The following TNKS1BP1 variants were observed in gnomAD, a reference collection of about 807,000 sequenced individuals.
The protein encoded by TNKS1BP1 is 182 kDa tankyrase-1-binding protein.
A neutral mutation model predicts 141.1 loss-of-function variants in TNKS1BP1; 48 were observed. The ratio of observed to expected loss-of-function variants is 0.34; its 90% CI spans 0.27 to 0.43. TNKS1BP1 has a LOEUF of 0.43. Among genes scored for constraint, TNKS1BP1 ranks in the 20% least tolerant of loss-of-function variants. TNKS1BP1 has a pLI of 1.00. For missense variants in TNKS1BP1, 2,149 were observed against 2,226.0 expected, an observed-to-expected ratio of 0.97 and a Z score of 0.70; for synonymous variants, 875 against 898.2, an observed-to-expected ratio of 0.97 and a Z score of 0.46.
chr11:57,320,540 G>T lies in TNKS1BP1; in HGVS notation c.267C>A (p.Pro89=), dbSNP rs1291339619. ...RKMNMLAGPQ[P]YGGSKRPLPF... ...GAAGGGGGCGCTTGCTGCCACCATA[G>T]GGCTGGGGTCCTGCCAGCATGTTCA... Residue 89 remains proline, a synonymous_variant, in exon 3 of 12, where the codon CCC becomes CCA. Transcript: ENST00000358252. 1 of 1,613,914 alleles carries T rather than the reference G, an allele frequency of 6.2e-7. No individual in the cohort carries two copies. The highest frequency in any genetic ancestry group is 8.5e-7 in the Non-Finnish European group (1 of 1,179,976).
chr11:57,302,663 T>C lies in TNKS1BP1; in HGVS notation c.4479A>G (p.Gln1493=). Residue 1493 remains glutamine (Q), a synonymous_variant, in exon 7 of 12, where the codon CAA becomes CAG. Transcript: ENST00000358252. This position sits in a 1 kb window ranked among gnomAD's most constrained non-coding sequence, Gnocchi z 5.5. ...EEEGAGAGAA[Q]EEVLEPGRDS... ...CCCTGCCAGGCTCCAGCACCTCCTCTTGGGCAGCACCTGCCCCGGCTCCTT... is the reference window on the plus strand; with the variant it reads ...CCCTGCCAGGCTCCAGCACCTCCTCCTGGGCAGCACCTGCCCCGGCTCCTT... 1.9e-6 allele frequency: 3 copies of C among 1,609,336 alleles called. No homozygotes were observed. In the African/African-American group the frequency reaches 4.0e-5, roughly 21 times the overall value.
chr11:57,313,552 C>T lies in TNKS1BP1; in HGVS notation c.1136G>A (p.Ser379Asn). ...TGAGGTGGCAGGGGGCTGATCCAGG[C>T]TATGGGGCTCCAAGACCTCAGGGGG... Reference protein sequence around the residue: ...SPPPEVLEPHSLDQPPATSPR... With the variant: ...SPPPEVLEPHNLDQPPATSPR... The change falls in exon 5 of 12, where the codon AGC (serine) becomes AAC (asparagine). Residue 379 changes from serine to asparagine, a missense_variant. Coordinates refer to ENST00000358252, the MANE Select transcript of TNKS1BP1 (RefSeq NM_033396.3). The T allele has an allele frequency of 6.3e-7, 1 of 1,580,508 alleles. No homozygotes were observed. The highest frequency in any genetic ancestry group is 8.6e-7 in the Non-Finnish European group (1 of 1,164,738).
In TNKS1BP1 at chr11:57,317,785, G is replaced by A. The variant is rs555742902; in HGVS notation, c.798+33C>T. The A allele has an allele frequency of 4.3e-5, 69 of 1,601,456 alleles. No homozygotes were observed. The South Asian group carries it at 5.6e-4, about 13-fold the overall frequency. ...TATGACCCTTCCAGCTCTAAAATAC[G>A]TGATTCTGATTCATAACTGGAGGAT... On this transcript the variant is annotated intron_variant, in intron 4 of 11. Coordinates refer to ENST00000358252, the MANE Select transcript of TNKS1BP1 (RefSeq NM_033396.3).
At position 57,312,627 on chromosome 11, in the gene TNKS1BP1, G is replaced by A. The variant is rs750769445; in HGVS notation, c.2061C>T (p.Asp687=). The A allele has an allele frequency of 2.5e-6, 4 of 1,575,340 alleles. No individual in the cohort carries two copies. The highest frequency in any genetic ancestry group is 3.4e-6 in the Non-Finnish European group (4 of 1,161,920). ...CACTGGGTGGTGGTGAAGCCAGGAG[G>A]TCGTCCAGCCAGCGGGAGCTGCTTT... ...GPESSSRWLD[D]LLASPPPSGG... Residue 687 remains aspartate (D), a synonymous_variant, in exon 5 of 12, where the codon GAC becomes GAT. Coordinates refer to ENST00000358252, the MANE Select transcript of TNKS1BP1 (RefSeq NM_033396.3).
intron 6 of TNKS1BP1, among the ~76,000 whole-genome samples, chr11:57,305,400 G>A (rs1855593949): frequency 6.6e-6 from 1 of 151,660 alleles, no homozygotes; most frequent in Non-Finnish European, 1.5e-5. Context: ...CAGAGAGGAT[G>A]TGCCTCATCT....
chr11:57,312,229 C>A (rs936244312), intron 5 of TNKS1BP1, among the ~76,000 whole-genome samples: 1 of 152,188 alleles, frequency 6.6e-6, no homozygotes, highest in East Asian at 1.9e-4. Context: ...GATTTACCCA[C>A]AATATAACTC....
In TNKS1BP1 at chr11:57,309,019, A is replaced by T. The variant is rs750144135; in HGVS notation, c.3692T>A (p.Val1231Asp). ...GVGEKDWTSDVNVKSKDLAEV... is the reference protein window; with the variant it reads ...GVGEKDWTSDDNVKSKDLAEV... ...AGCCAAATCTTTGCTCTTCACATTA[A>T]CATCAGAAGTCCAGTCCTTCTCCCC... Residue 1231 changes from valine to aspartate, a missense_variant, in exon 6 of 12, where the codon GTT (valine) becomes GAT (aspartate). Physicochemically the swap from Val to Asp is radical, Grantham distance 152. Transcript: ENST00000358252. The surrounding 1 kb of genome is among the most constrained non-coding windows in gnomAD (Gnocchi z 4.3). 3 of 1,613,880 alleles carry T rather than the reference A, an allele frequency of 1.9e-6. No individual in the cohort carries two copies. In the African/African-American group the frequency reaches 4.0e-5, roughly 22 times the overall value.
chr11:57,313,665 T>G lies in TNKS1BP1; in HGVS notation c.1023A>C (p.Ala341=). ...CPAVTPSAPS[A]ALPDEGSRHT... is the part of the protein sequence containing the mutation. ...GGCGGGAGCCCTCGTCAGGCAGGGCTGCACTTGGAGCTGATGGAGTCACAG... is the reference window on the plus strand; with the variant it reads ...GGCGGGAGCCCTCGTCAGGCAGGGCGGCACTTGGAGCTGATGGAGTCACAG... The change falls in exon 5 of 12, where the codon GCA becomes GCC. Residue 341 remains alanine, a synonymous_variant. Transcript: ENST00000358252. 1 of 1,563,920 alleles carries G rather than the reference T, an allele frequency of 6.4e-7. No individual in the cohort carries two copies. The highest frequency in any genetic ancestry group is 8.7e-7 in the Non-Finnish European group (1 of 1,154,018).
In TNKS1BP1 at chr11:57,300,957, GCT is replaced by G; in HGVS notation, c.5054_5055del (p.Gln1685ProfsTer49). On this transcript the variant is annotated frameshift_variant, in exon 10 of 12. Coordinates refer to ENST00000358252, the MANE Select transcript of TNKS1BP1 (RefSeq NM_033396.3). LOFTEE classifies it high-confidence loss of function. The part of the protein sequence containing the change: ...SKSSQKESAV[Q>X]RSKSCKVPGL... ...CCTGGGACCTTGCAGGATTTCGAAC[GCT>G]GGACCGCGGACTCCTTCTGGCTCGA... 1 of 1,614,060 alleles carries G rather than the reference GCT, an allele frequency of 6.2e-7. No homozygotes were observed. The highest frequency in any genetic ancestry group is 1.1e-5 in the South Asian group (1 of 91,060).
Position 57,313,206 on chromosome 11 carries a change from G to C in TNKS1BP1, c.1482C>G (p.Ser494=). The C allele has an allele frequency of 6.2e-7, 1 of 1,612,468 alleles. No individual in the cohort carries two copies. Among genetic ancestry groups the C allele is most frequent in the Non-Finnish European group, 8.5e-7 (1 of 1,179,876 alleles). ...PSGLGVWRLD[S]PPPSPITEAS... The stretch of plus-strand genomic sequence containing the variant: ...CTTCAGTGATGGGGGAGGGAGGCGG[G>C]GAGTCCAGCCGCCACACGCCCAGAC... Residue 494 remains serine (S), a synonymous_variant, in exon 5 of 12, where the codon TCC becomes TCG. Transcript: ENST00000358252.
At chr11:57,315,500 G>T (rs1241574695) in intron 4 of TNKS1BP1, among the ~76,000 whole-genome samples, 1 of 152,074 alleles carries the variant, frequency 6.6e-6, no homozygotes, top group East Asian at 1.9e-4. Context: ...GCTGCATGTG[G>T]CTGGATAAAA....
chr11:57,307,517 T>C (rs1855631783), intron 6 of TNKS1BP1, among the ~76,000 whole-genome samples: 1 of 151,948 alleles, frequency 6.6e-6, no homozygotes, highest in Admixed American at 6.6e-5. Context: ...CTCTAGCCCC[T>C]TCCTGCTCCT....
rs1393397256 is a variant in TNKS1BP1 at position 57,303,029 on chromosome 11, T to C, written c.4317-204A>G. The C allele has an allele frequency of 3.8e-5, 20 of 532,444 alleles. 1 individual carries two copies. The highest frequency in any genetic ancestry group is 2.3e-4 in the South Asian group (4 of 17,474). The allele number at this position is 532,444 out of a possible 1,614,324, so 33.0% of individuals were successfully genotyped here. On this transcript the variant is annotated intron_variant, in intron 6 of 11. Transcript: ENST00000358252. ...GCTGAGCCAGTCTGGCAGGTTCAAA[T>C]CCCTGAGACCTCGGGTGAGCCCCCT...
chr11:57,300,583 G>C lies in TNKS1BP1; in HGVS notation c.5147C>G (p.Pro1716Arg). The change falls in exon 11 of 12, where the codon CCC becomes CGC. Residue 1716 changes from proline to arginine, a missense_variant. By Grantham distance (103) the Pro-to-Arg change is moderately radical (BLOSUM62 -2). Coordinates refer to ENST00000358252, the MANE Select transcript of TNKS1BP1 (RefSeq NM_033396.3). ...EKSSGSEGSS[P>R]NWLQALKLKK... Reference sequence around the variant, plus strand: ...CAGTTTCAGGGCTTGAAGCCAGTTGGGCGACGATCCTTCTGACCTAGGAGG... The same window carrying C: ...CAGTTTCAGGGCTTGAAGCCAGTTGCGCGACGATCCTTCTGACCTAGGAGG... The C allele has an allele frequency of 1.2e-6, 2 of 1,614,226 alleles. No homozygotes were observed. The highest frequency in any genetic ancestry group is 1.7e-6 in the Non-Finnish European group (2 of 1,180,038).
rs183407033 is a variant in TNKS1BP1, at chr11:57,303,831, C to A, written c.4317-1006G>T. 2.2e-3 allele frequency among the ~76,000 whole-genome samples: 339 copies of A among 152,268 alleles called. 7 individuals carry two copies. The highest frequency in any genetic ancestry group is 7.8e-3 in the African/African-American group (324 of 41,544). Reference sequence around the variant, plus strand: ...TTGGGAGGCCAGGGCAGGGGGATCACGTGAGCCCAGGAGTTCAAGACCAGC... The same window carrying A: ...TTGGGAGGCCAGGGCAGGGGGATCAAGTGAGCCCAGGAGTTCAAGACCAGC... On this transcript the variant is annotated intron_variant, in intron 6 of 11. Transcript: ENST00000358252.
Position 57,313,381 on chromosome 11 carries a change from G to T in TNKS1BP1, c.1307C>A (p.Pro436His), listed in dbSNP as rs955684365. The T allele has an allele frequency of 1.2e-6, 2 of 1,612,428 alleles. No individual in the cohort carries two copies. Among genetic ancestry groups the T allele is most frequent in the South Asian group, 2.2e-5 (2 of 90,978 alleles). The change falls in exon 5 of 12, where the codon CCC (proline) becomes CAC (histidine). Residue 436 changes from proline (P) to histidine (H), a missense_variant. Coordinates refer to ENST00000358252, the MANE Select transcript of TNKS1BP1 (RefSeq NM_033396.3). ...RRFSEGVLQS[P>H]SQDQEKLGGS... is the part of the protein sequence containing the mutation. Reference sequence around the variant, plus strand: ...CCCCAGCTTCTCCTGGTCCTGACTGGGTGACTGGAGCACACCTTCAGAGAA... The same window carrying T: ...CCCCAGCTTCTCCTGGTCCTGACTGTGTGACTGGAGCACACCTTCAGAGAA...
At chr11:57,316,958 ACC>A (rs1855809009) in intron 4 of TNKS1BP1, among the ~76,000 whole-genome samples, 1 of 151,972 alleles carries the variant, frequency 6.6e-6, no homozygotes, top group Admixed American at 6.5e-5. Flanking sequence ...GGTCCTCACT[ACC>A]ACCTAACTCC....
intron 6 of TNKS1BP1, among the ~76,000 whole-genome samples, chr11:57,306,031 T>C (rs537880218): frequency 5.1e-4 from 77 of 152,148 alleles, no homozygotes; most frequent in African/African-American, 1.8e-3. Context: ...CCCAGCACTT[T>C]GGGAGGCCGA....
chr11:57,307,193 C>T (rs1318301450), intron 6 of TNKS1BP1, among the ~76,000 whole-genome samples: 1 of 152,084 alleles, frequency 6.6e-6, no homozygotes, highest in Non-Finnish European at 1.5e-5. Flanking sequence ...TCCCCTGCAC[C>T]AAGAACATTA....
Sources: gnomAD v4.1 joint callset for allele counts (sites outside exome capture counted in the v4.1 genomes callset) on GRCh38, gnomAD v4.1.1 for gene constraint, Gnocchi (gnomAD v3.1) non-coding constraint, MANE v1.5 for transcripts, NCBI Gene and HGNC (gene_info 2026-07-23, HGNC 2026-07-21) for gene names.